The following BTRC variants were observed in gnomAD, a reference collection of about 807,000 sequenced individuals.
BTRC encodes the protein beta-transducin repeat containing E3 ubiquitin protein ligase, also known as F-box/WD repeat-containing protein 1A.
In BTRC, 42 loss-of-function variants were observed where a neutral mutation model predicts 85.5. That is an observed-to-expected ratio of 0.49 (90% CI 0.38 to 0.64). The LOEUF (loss-of-function observed/expected upper bound fraction) is 0.64. Among genes scored for constraint, BTRC ranks in the 30% least tolerant of loss-of-function variants. BTRC has a pLI of 0.00. For missense variants in BTRC, 594 were observed against 743.5 expected, an observed-to-expected ratio of 0.80 and a Z score of 2.34; for synonymous variants, 255 against 263.3, an observed-to-expected ratio of 0.97 and a Z score of 0.30.
chr10:101,522,702 T>C (rs909951065), intron 5 of BTRC, among the ~76,000 whole-genome samples: 1 of 151,840 alleles, frequency 6.6e-6, no homozygotes, highest in Admixed American at 6.6e-5. Flanking sequence ...ATTACAGGTG[T>C]GAGCCACCGT....
intron 2 of BTRC, among the ~76,000 whole-genome samples, chr10:101,432,844 C>T (rs1035687039): frequency 6.6e-6 from 1 of 152,120 alleles, no homozygotes; most frequent in African/African-American, 2.4e-5. Flanking sequence ...GCCTCCCAGC[C>T]GCAGTGTGTG....
intron 1 of BTRC, among the ~76,000 whole-genome samples, chr10:101,359,708 C>G (rs909808519): frequency 6.6e-6 from 1 of 151,260 alleles, no homozygotes; most frequent in Admixed American, 6.6e-5. Context: ...TCAAGTGATT[C>G]TCCTTCCTCA....
chr10:101,395,212 G>A (rs1216318473), intron 1 of BTRC, among the ~76,000 whole-genome samples: 1 of 152,134 alleles, frequency 6.6e-6, no homozygotes, highest in Non-Finnish European at 1.5e-5. Context: ...GAAAGAAGAA[G>A]GTAGGGTTGG....
intron 1 of BTRC, among the ~76,000 whole-genome samples, chr10:101,374,307 T>C (rs1057050186): frequency 3.9e-5 from 6 of 152,178 alleles, no homozygotes; most frequent in Non-Finnish European, 8.8e-5. Context: ...ATTTCTCTGA[T>C]GGCCAGTGAT....
chr10:101,420,240 T>C lies in BTRC; in HGVS notation c.49-10105T>C, dbSNP rs955980291. Among the ~76,000 whole-genome samples the C allele has an allele frequency of 3.3e-5, 5 of 152,166 alleles. No homozygotes were observed. In the East Asian group the frequency reaches 5.8e-4, roughly 18 times the overall value. On this transcript the variant is annotated intron_variant, in intron 1 of 14. Coordinates refer to ENST00000370187, the MANE Select transcript of BTRC (RefSeq NM_033637.4). Reference sequence around the variant, plus strand: ...CTGATTATGAGAAACCTAGCTCTTATTATCCTTTGTATTTGATCTGCCACC... The same window carrying C: ...CTGATTATGAGAAACCTAGCTCTTACTATCCTTTGTATTTGATCTGCCACC...
intron 2 of BTRC, among the ~76,000 whole-genome samples, chr10:101,443,058 A>G (rs912691154): frequency 5.3e-5 from 8 of 151,542 alleles, no homozygotes; most frequent in African/African-American, 1.9e-4. Context: ...ATTTTTTTGT[A>G]TTTTTAGTAG....
At chr10:101,509,316 G>A (rs1322403888) in intron 4 of BTRC, among the ~76,000 whole-genome samples, 2 of 137,280 alleles carry the variant, frequency 1.5e-5, no homozygotes, top group Non-Finnish European at 1.5e-5. Context: ...GTGCAGTGGC[G>A]GGATCTCGGC....
intron 1 of BTRC, chr10:101,364,930 C>T (rs1175953887): frequency 6.6e-6 from 1 of 150,708 alleles, no homozygotes; most frequent in East Asian, 1.9e-4. Context: ...TCTCCCTGCT[C>T]CAAAAATCTA....
Position 101,555,457 on chromosome 10 carries a change from G to A in BTRC, c.*2334G>A, listed in dbSNP as rs935276889. ...ATGTGGAGCCATTAGCCCAGTTGAGGATATTCTCCAAGTTGTCCTCTCTCC... is the reference window on the plus strand; with the variant it reads ...ATGTGGAGCCATTAGCCCAGTTGAGAATATTCTCCAAGTTGTCCTCTCTCC... On this transcript the variant is annotated 3_prime_UTR_variant, in exon 15 of 15. Coordinates refer to ENST00000370187, the MANE Select transcript of BTRC (RefSeq NM_033637.4). The A allele has an allele frequency of 4.2e-4, 64 of 152,634 alleles. No individual in the cohort carries two copies. Among genetic ancestry groups the A allele is most frequent in the Non-Finnish European group, 2.9e-5 (2 of 68,050 alleles). The allele number at this position is 152,634 out of a possible 1,614,324, so 9.5% of individuals were successfully genotyped here. A position where few individuals can be genotyped will look rare whatever the true frequency, so the allele number is the denominator to read the frequency against.
intron 2 of BTRC, among the ~76,000 whole-genome samples, chr10:101,460,983 A>G (rs979110648): frequency 1.3e-5 from 2 of 151,182 alleles, no homozygotes; most frequent in Non-Finnish European, 1.5e-5. Context: ...GCTCACTGCA[A>G]CCTCGGCCTC....
rs563055529 is a variant in BTRC at position 101,356,859 on chromosome 10, C to T, written c.48+2631C>T. Among the ~76,000 whole-genome samples the T allele has an allele frequency of 6.6e-5, 10 of 152,224 alleles. No homozygotes were observed. In the South Asian group the frequency reaches 1.7e-3, roughly 25 times the overall value. ...TTAAGAAAGGAAGATAGGCCGGGTG[C>T]GGTGGCTCATGCCTGTAATCCAGGA... On this transcript the variant is annotated intron_variant, in intron 1 of 14. Coordinates refer to ENST00000370187, the MANE Select transcript of BTRC (RefSeq NM_033637.4).
chr10:101,427,461 AT>A (rs34459504), intron 1 of BTRC, among the ~76,000 whole-genome samples: 1,502 of 122,836 alleles, frequency 0.012, 14 homozygotes, highest in African/African-American at 0.028. Flanking sequence ...TATGTTAAGG[AT>A]TTTTTTTTTT....
intron 1 of BTRC, 39 bp downstream of exon 1, chr10:101,354,267 T>TGGCGTTGGC: frequency 6.5e-7 from 1 of 1,546,520 alleles, no homozygotes; most frequent in Non-Finnish European, 8.7e-7. Flanking sequence ...GTGGAGGCGC[T>TGGCGTTGGC]GGCGTTGGCG....
At chr10:101,439,774 A>G (rs565672946) in intron 2 of BTRC, among the ~76,000 whole-genome samples, 2 of 152,336 alleles carry the variant, frequency 1.3e-5, no homozygotes, top group South Asian at 2.1e-4. Flanking sequence ...TATTATTAAT[A>G]GTGGAATTTA....
intron 2 of BTRC, among the ~76,000 whole-genome samples, chr10:101,447,409 C>G (rs1478385715): frequency 6.6e-6 from 1 of 152,130 alleles, no homozygotes; most frequent in Non-Finnish European, 1.5e-5. Context: ...TTGAAGTCAA[C>G]TATTCCTTCA....
intron 1 of BTRC, among the ~76,000 whole-genome samples, chr10:101,426,444 C>G (rs908377056): frequency 6.6e-6 from 1 of 152,036 alleles, no homozygotes; most frequent in Non-Finnish European, 1.5e-5. Flanking sequence ...GGAAATCACA[C>G]CGGTATATCT....
intron 13 of BTRC, among the ~76,000 whole-genome samples, chr10:101,549,217 T>G (rs1031812603): frequency 6.7e-6 from 1 of 150,078 alleles, no homozygotes; most frequent in African/African-American, 2.5e-5. Context: ...GAAGGACTGC[T>G]TGGTCTTGAG....
At chr10:101,387,901 G>A (rs1034898318) in intron 1 of BTRC, among the ~76,000 whole-genome samples, 2 of 151,906 alleles carry the variant, frequency 1.3e-5, no homozygotes, top group Non-Finnish European at 2.9e-5. Flanking sequence ...TGTTGGTCAG[G>A]CTGGTCTTGA....
Position 101,555,977 on chromosome 10 carries a change from A to T in BTRC, c.*2854A>T, listed in dbSNP as rs1486970156. 2 of 152,206 alleles carry T rather than the reference A, an allele frequency of 1.3e-5. No homozygotes were observed. The highest frequency in any genetic ancestry group is 2.9e-5 in the Non-Finnish European group (2 of 68,046). The allele number at this position is 152,206 out of a possible 1,614,324, so 9.4% of individuals were successfully genotyped here. On this transcript the variant is annotated 3_prime_UTR_variant, in exon 15 of 15. Coordinates refer to ENST00000370187, the MANE Select transcript of BTRC (RefSeq NM_033637.4). ...GTGTGTGTATTTCACTGCTGAGAAC[A>T]TCCTTTAACTTGGTGTGCAATTTGA...
Sources: allele counts gnomAD v4.1 joint callset (sites outside exome capture counted in the v4.1 genomes callset), GRCh38; gene constraint gnomAD v4.1.1; transcripts MANE v1.5; gene names NCBI Gene and HGNC (gene_info 2026-07-23, HGNC 2026-07-21).